GLI2: variants seen among roughly 807,000 people sequenced by gnomAD.
GLI2 encodes transcription activator GLI2.
Under a neutral mutation model 78.9 loss-of-function variants are expected in GLI2, and 22 were observed. The ratio of observed to expected loss-of-function variants is 0.28; its 90% CI spans 0.20 to 0.40. The LOEUF (loss-of-function observed/expected upper bound fraction) is 0.40, where lower values mean the gene tolerates loss of function less well. GLI2 is among the 10% of genes least tolerant of loss of function. GLI2 has a pLI of 1.00. For synonymous variants in GLI2, 974 were observed against 963.7 expected, an observed-to-expected ratio of 1.01 and a Z score of -0.20; for missense variants, 2,097 against 2,213.2, an observed-to-expected ratio of 0.95 and a Z score of 1.05.
At chr2:120,841,888 T>TGTGTGTGTGTGAGA (rs768879101) in intron 2 of GLI2, among the ~76,000 whole-genome samples, 32 of 150,790 alleles carry the variant, frequency 2.1e-4, no homozygotes, top group Non-Finnish European at 4.4e-4. Flanking sequence ...TGTGTGTGTG[T>TGTGTGTGTGTGAGA]GATGCTGGGC....
In GLI2 at chr2:120,991,821, CAT is replaced by C. The variant is rs199943079; in HGVS notation, c.*1147_*1148del. The C allele has an allele frequency of 0.021, 3,182 of 152,516 alleles. 53 individuals are homozygous for C. The highest frequency in any genetic ancestry group is 0.034 in the Middle Eastern group (10 of 294). 9.4% of individuals were successfully genotyped at this position (152,516 alleles called of 1,614,324 possible). On this transcript the variant is annotated 3_prime_UTR_variant, in exon 14 of 14. Coordinates refer to ENST00000361492, the MANE Select transcript of GLI2 (RefSeq NM_001374353.1). ...TGAGTCACTGGGCAGAGAATGATGA[CAT>C]GTGTAGGTGGTGTGGTTGGGGGTGG...
chr2:120,760,330 A>G (rs1027390816), intron 1 of GLI2, among the ~76,000 whole-genome samples: 1 of 152,146 alleles, frequency 6.6e-6, no homozygotes, highest in Admixed American at 6.5e-5. Flanking sequence ...GGGGGGTCCA[A>G]GGAGGTCTGG....
At chr2:120,881,804 T>G (rs1310226685) in intron 2 of GLI2, among the ~76,000 whole-genome samples, 24 of 4,916 alleles carry the variant, frequency 4.9e-3, no homozygotes, top group Non-Finnish European at 5.8e-3. Context: ...GAGAAGACAG[T>G]GGGGGAGAAC....
chr2:120,795,549 C>G (rs553576512), intron 1 of GLI2, among the ~76,000 whole-genome samples: 43 of 137,122 alleles, frequency 3.1e-4, no homozygotes, highest in Non-Finnish European at 3.4e-4. Flanking sequence ...AAAAAAAAAA[C>G]AACATAAAAC....
intron 2 of GLI2, among the ~76,000 whole-genome samples, chr2:120,902,072 C>T (rs1374153057): frequency 3.3e-5 from 5 of 151,850 alleles, no homozygotes; most frequent in Non-Finnish European, 7.4e-5. Context: ...GCTGGTTCTA[C>T]GCATCTCTCC....
intron 6 of GLI2, among the ~76,000 whole-genome samples, chr2:120,969,875 C>G (rs1287625231): frequency 3.3e-5 from 5 of 152,176 alleles, no homozygotes; most frequent in Non-Finnish European, 7.3e-5. Flanking sequence ...TACGGCCCAA[C>G]CACAGGGGTC....
chr2:120,826,020 C>T lies in GLI2; in HGVS notation c.148+28552C>T, dbSNP rs531279262. Among the ~76,000 whole-genome samples the T allele has an allele frequency of 4.6e-5, 7 of 152,296 alleles. No homozygotes were observed. In the East Asian group the frequency reaches 5.8e-4, roughly 13 times the overall value. On this transcript the variant is annotated intron_variant, in intron 2 of 13. Coordinates refer to ENST00000361492, the MANE Select transcript of GLI2 (RefSeq NM_001374353.1). The stretch of plus-strand genomic sequence containing the variant: ...CACCACAGGCCCTTACTGCTGGGCA[C>T]GATGGGAGGCTGCCTGGTGACGGCC...
intron 2 of GLI2, among the ~76,000 whole-genome samples, chr2:120,867,579 C>T (rs1277557587): frequency 1.3e-5 from 2 of 152,216 alleles, no homozygotes; most frequent in Admixed American, 6.5e-5. Flanking sequence ...CTGCGTCCCT[C>T]CGCCCTCCCC....
intron 2 of GLI2, among the ~76,000 whole-genome samples, chr2:120,869,726 G>T (rs553586699): frequency 9.2e-4 from 140 of 152,346 alleles, no homozygotes; most frequent in African/African-American, 3.2e-3. Flanking sequence ...AAGCACCAAT[G>T]AAATCAAATC....
At chr2:120,891,196 A>C (rs558795687) in intron 2 of GLI2, among the ~76,000 whole-genome samples, 60 of 152,146 alleles carry the variant, frequency 3.9e-4, no homozygotes, top group Non-Finnish European at 7.5e-4. Flanking sequence ...CCCCTCACCC[A>C]GGAGTGGGTG....
At position 120,970,565 on chromosome 2, in the gene GLI2, C is replaced by A. The variant is rs1361512980; in HGVS notation, c.1018C>A (p.Gln340Lys). Residue 340 changes from glutamine (Q) to lysine (K), a missense_variant, in exon 7 of 14, where the codon CAG becomes AAG. Physicochemically the swap from Gln to Lys is moderately conservative, Grantham distance 53. Coordinates refer to ENST00000361492, the MANE Select transcript of GLI2 (RefSeq NM_001374353.1). ...ALTSINATPT[Q>K]LSSSSNCLSD... is the part of the protein sequence containing the mutation. ...CACCTCCATCAATGCCACGCCCACC[C>A]AGCTCAGCAGCAGCAGCAACTGTCT... 6.2e-7 allele frequency: 1 copy of A among 1,614,192 alleles called. No homozygotes were observed. Among genetic ancestry groups the A allele is most frequent in the Admixed American group, 1.7e-5 (1 of 60,032 alleles).
chr2:120,742,361 G>T (rs1194723760), intron 1 of GLI2, among the ~76,000 whole-genome samples: 2 of 152,178 alleles, frequency 1.3e-5, no homozygotes, highest in Non-Finnish European at 2.9e-5. Flanking sequence ...GCTTAGCAAT[G>T]CTTCTTTGTG....
In GLI2 at chr2:120,751,047, G is replaced by A. The variant is rs185110973; in HGVS notation, c.-31+14762G>A. ...TGCTCCAGCTGTGGAGACTGTTGCC[G>A]GTTGGAAAAGGTACACGTGGCCTCC... On this transcript the variant is annotated intron_variant, in intron 1 of 13. Transcript: ENST00000361492. 2.1e-3 allele frequency among the ~76,000 whole-genome samples: 319 copies of A among 152,294 alleles called. 3 individuals carry two copies. The highest frequency in any genetic ancestry group is 0.011 in the East Asian group (55 of 5,174).
At chr2:120,833,321 A>G (rs1245021001) in intron 2 of GLI2, among the ~76,000 whole-genome samples, 2 of 151,728 alleles carry the variant, frequency 1.3e-5, no homozygotes, top group African/African-American at 4.8e-5. Context: ...CCCCAGAAAC[A>G]TTCCCCCTGC....
chr2:120,869,862 G>A (rs370634584), intron 2 of GLI2, among the ~76,000 whole-genome samples: 4 of 152,176 alleles, frequency 2.6e-5, no homozygotes, highest in African/African-American at 9.6e-5. Flanking sequence ...GCTGCAGGGG[G>A]CCCTGCAGGG....
At chr2:120,790,832 C>T (rs1270216148) in intron 1 of GLI2, among the ~76,000 whole-genome samples, 1 of 152,156 alleles carries the variant, frequency 6.6e-6, no homozygotes, top group Non-Finnish European at 1.5e-5. Context: ...TCAGACCCCA[C>T]AGGCAGGTCT....
At chr2:120,744,538 T>C (rs1044830937) in intron 1 of GLI2, among the ~76,000 whole-genome samples, 7 of 152,260 alleles carry the variant, frequency 4.6e-5, no homozygotes, top group Non-Finnish European at 1.0e-4. Context: ...GTACATAATA[T>C]AGTAATTTAC....
rs1436375427 is a variant in GLI2 at position 120,737,520 on chromosome 2, C to T, written c.-31+1235C>T. On this transcript the variant is annotated intron_variant, in intron 1 of 13. Transcript: ENST00000361492. The surrounding 1 kb of genome is among the most constrained non-coding windows in gnomAD (Gnocchi z 4.3). ...TAGACCTGTCCCTACTGTCTGGTCC[C>T]GCGCCCTGGGAGTCTTGTAGGCGTC... 6.6e-6 allele frequency among the ~76,000 whole-genome samples: 1 copy of T among 152,168 alleles called. No individual in the cohort carries two copies. Among genetic ancestry groups the T allele is most frequent in the South Asian group, 2.1e-4 (1 of 4,828 alleles).
chr2:120,958,477 C>G (rs1349524716), intron 5 of GLI2, among the ~76,000 whole-genome samples: 1 of 152,146 alleles, frequency 6.6e-6, no homozygotes, highest in African/African-American at 2.4e-5. Flanking sequence ...GTCACCCCTC[C>G]CGGGCCAGAC....
Sources: allele counts gnomAD v4.1 joint callset (sites outside exome capture counted in the v4.1 genomes callset), GRCh38; gene constraint gnomAD v4.1.1; non-coding constraint Gnocchi (gnomAD v3.1); transcripts MANE v1.5; gene names NCBI Gene and HGNC (gene_info 2026-07-23, HGNC 2026-07-21).